LRPPRC: variants seen among roughly 807,000 people sequenced by gnomAD.
LRPPRC encodes the protein leucine rich pentatricopeptide repeat containing, also known as leucine-rich PPR motif-containing protein, mitochondrial.
In LRPPRC, 120 loss-of-function variants were observed where a neutral mutation model predicts 180.3. That is an observed-to-expected ratio of 0.67 (90% CI 0.57 to 0.77). The LOEUF is 0.77. Ranked by LOEUF, LRPPRC falls within the 30% of genes least tolerant of loss-of-function variation. The probability of loss-of-function intolerance (pLI) is 0.00; values close to 1 mark genes in which losing one functional copy is unlikely to be tolerated. For synonymous variants in LRPPRC, 723 were observed against 600.0 expected (o/e 1.21, Z -3.00); for missense variants, 2,012 against 1,657.2 (o/e 1.21, Z -3.72).
rs371709550 is a variant in LRPPRC at position 43,976,966 on chromosome 2, G to A, written c.650+28C>T. 1.8e-5 allele frequency: 28 copies of A among 1,585,824 alleles called. No individual in the cohort carries two copies. The East Asian group carries it at 4.3e-4, about 24-fold the overall frequency. On this transcript the variant is annotated intron_variant, in intron 5 of 37. Transcript: ENST00000260665. Reference sequence around the variant, plus strand: ...ATTTACAAAATGTACAAATTTGTTCGCTTAAACATGTTCATACAGATCCAT... The same window carrying A: ...ATTTACAAAATGTACAAATTTGTTCACTTAAACATGTTCATACAGATCCAT...
chr2:43,922,258 T>G (rs1671724568), intron 27 of LRPPRC, among the ~76,000 whole-genome samples: 1 of 152,240 alleles, frequency 6.6e-6, no homozygotes, highest in Non-Finnish European at 1.5e-5. Context: ...TATTTAAATG[T>G]ATGTAAGACT....
intron 29 of LRPPRC, among the ~76,000 whole-genome samples, chr2:43,914,163 G>A (rs1278256050): frequency 2.6e-5 from 4 of 152,036 alleles, no homozygotes; most frequent in African/African-American, 4.8e-5. Context: ...TATTTCACTT[G>A]TTTGGAAACT....
intron 27 of LRPPRC, among the ~76,000 whole-genome samples, chr2:43,919,675 T>C (rs541268198): frequency 6.6e-6 from 1 of 152,234 alleles, no homozygotes; most frequent in East Asian, 1.9e-4. Flanking sequence ...AGAGGAAACA[T>C]CAAGTCATTT....
At chr2:43,911,523 CTT>C (rs531172761) in intron 30 of LRPPRC, among the ~76,000 whole-genome samples, 12,094 of 91,328 alleles carry the variant, frequency 0.13, 267 homozygotes, top group Middle Eastern at 0.22. Flanking sequence ...TCTTCTTCTT[CTT>C]TTTTTTTTTT....
In LRPPRC at chr2:43,946,339, T is replaced by C. The variant is rs916021180; in HGVS notation, c.2080-96A>G. The C allele has an allele frequency of 1.5e-4, 137 of 896,822 alleles. 3 individuals are homozygous for C. In the South Asian group the frequency reaches 1.6e-3, roughly 10 times the overall value. 55.6% of individuals were successfully genotyped at this position (896,822 alleles called of 1,614,324 possible). ...CTGTTCAGAGTTTAGAAAAAGTTAATAGTACTTTAAAAATAAATGGTTTCA... is the reference window on the plus strand; with the variant it reads ...CTGTTCAGAGTTTAGAAAAAGTTAACAGTACTTTAAAAATAAATGGTTTCA... On this transcript the variant is annotated intron_variant, in intron 20 of 37. Transcript: ENST00000260665.
At chr2:43,980,060 TGA>T in intron 2 of LRPPRC, 112 bp from the exon 3 acceptor site, 5 of 1,011,912 alleles carry the variant, frequency 4.9e-6, no homozygotes, top group Non-Finnish European at 7.6e-6. Flanking sequence ...TGGCTCAAAC[TGA>T]GAGTAACCAT....
chr2:43,898,843 T>C (rs767729659), intron 34 of LRPPRC, among the ~76,000 whole-genome samples: 37 of 152,222 alleles, frequency 2.4e-4, no homozygotes, highest in Admixed American at 3.9e-4. Flanking sequence ...TGACGCACAG[T>C]ATCTAGCGCA....
chr2:43,989,407 G>A (rs1674675224), intron 1 of LRPPRC, among the ~76,000 whole-genome samples: 1 of 152,074 alleles, frequency 6.6e-6, no homozygotes, highest in South Asian at 2.1e-4. Context: ...CAGTCAAATG[G>A]GATGTCTCCT....
rs1388098474 is a variant in LRPPRC at position 43,899,496 on chromosome 2, C to G, written c.3679G>C (p.Glu1227Gln). 6.2e-7 allele frequency: 1 copy of G among 1,614,140 alleles called. No homozygotes were observed. The highest frequency in any genetic ancestry group is 1.7e-5 in the Admixed American group (1 of 60,030). Reference sequence around the variant, plus strand: ...TCAACTGCTGGTTCCAACTGCTCCTCTATTACTTTTCTGAATAAGTATGCC... The same window carrying G: ...TCAACTGCTGGTTCCAACTGCTCCTGTATTACTTTTCTGAATAAGTATGCC... ...GLAYLFRKVI[E>Q]EQLEPAVEKI... The change falls in exon 33 of 38, where the codon GAG (glutamate) becomes CAG (glutamine). Residue 1227 changes from glutamate to glutamine, a missense_variant. Coordinates refer to ENST00000260665, the MANE Select transcript of LRPPRC (RefSeq NM_133259.4).
chr2:43,967,808 T>C (rs1673628841), intron 11 of LRPPRC, among the ~76,000 whole-genome samples: 1 of 152,240 alleles, frequency 6.6e-6, no homozygotes. Flanking sequence ...TAACAATACT[T>C]GTAAGCGAAA....
chr2:43,976,610 C>A (rs1006606588), intron 5 of LRPPRC, among the ~76,000 whole-genome samples: 1 of 151,102 alleles, frequency 6.6e-6, no homozygotes, highest in African/African-American at 2.4e-5. Flanking sequence ...ATAAATTTTA[C>A]ATAAGCAGAG....
At chr2:43,956,270 G>C (rs555454883) in intron 14 of LRPPRC, among the ~76,000 whole-genome samples, 1 of 152,122 alleles carries the variant, frequency 6.6e-6, no homozygotes, top group Non-Finnish European at 1.5e-5. Flanking sequence ...GTCAAAAAGT[G>C]AAACATCTAT....
At chr2:43,914,932 G>A (rs748441367) in intron 29 of LRPPRC, among the ~76,000 whole-genome samples, 3 of 151,552 alleles carry the variant, frequency 2.0e-5, no homozygotes, top group African/African-American at 4.9e-5. Flanking sequence ...GAGGACGGGC[G>A]TGGTGGTGGC....
intron 27 of LRPPRC, among the ~76,000 whole-genome samples, chr2:43,922,999 T>C (rs1013703670): frequency 1.3e-5 from 2 of 152,178 alleles, no homozygotes; most frequent in African/African-American, 4.8e-5. Flanking sequence ...CTAACCACAC[T>C]CTGCCAACCT....
chr2:43,939,224 T>C (rs1377078553), intron 23 of LRPPRC, among the ~76,000 whole-genome samples: 1 of 151,620 alleles, frequency 6.6e-6, no homozygotes, highest in Non-Finnish European at 1.5e-5. Context: ...GAGCTTGCAG[T>C]GAGCCAAGAT....
chr2:43,975,461 T>C (rs1454539183), intron 6 of LRPPRC, among the ~76,000 whole-genome samples: 1 of 152,182 alleles, frequency 6.6e-6, no homozygotes, highest in Non-Finnish European at 1.5e-5. Flanking sequence ...ACCCTCTTAA[T>C]ATTATGTAGG....
intron 12 of LRPPRC, 117 bp downstream of exon 12, chr2:43,963,471 T>A (rs1182396092): frequency 2.6e-6 from 2 of 763,144 alleles, no homozygotes; most frequent in Non-Finnish European, 4.7e-6. Context: ...GAAAATTGTA[T>A]ACAGATTTGA....
intron 23 of LRPPRC, among the ~76,000 whole-genome samples, chr2:43,937,087 A>G (rs1035845106): frequency 1.3e-5 from 2 of 152,114 alleles, no homozygotes; most frequent in Non-Finnish European, 2.9e-5. Context: ...ATTTCCCCCT[A>G]CATTAGGTCA....
chr2:43,975,326 A>T (rs1674006248), intron 6 of LRPPRC, 109 bp from the exon 7 acceptor site: 1 of 867,628 alleles, frequency 1.2e-6, no homozygotes, highest in Non-Finnish European at 1.8e-6. Flanking sequence ...TACCATTTGG[A>T]ATTATGATGT....
Sources: gnomAD v4.1 joint callset for allele counts (sites outside exome capture counted in the v4.1 genomes callset) on GRCh38, gnomAD v4.1.1 for gene constraint, MANE v1.5 for transcripts, NCBI Gene and HGNC (gene_info 2026-07-23, HGNC 2026-07-21) for gene names.